LMO1: variants seen among roughly 807,000 people sequenced by gnomAD.
LMO1 encodes LIM domain only 1.
Under a neutral mutation model 18.0 loss-of-function variants are expected in LMO1, and 10 were observed. That is an observed-to-expected ratio of 0.55 (90% CI 0.34 to 0.94). The LOEUF (loss-of-function observed/expected upper bound fraction) is 0.94. Among genes scored for constraint, LMO1 ranks in the 40% least tolerant of loss-of-function variants. LMO1 has a pLI of 0.02. For synonymous variants in LMO1, 77 were observed against 77.9 expected, an observed-to-expected ratio of 0.99 and a Z score of 0.06; for missense variants, 183 against 205.7, an observed-to-expected ratio of 0.89 and a Z score of 0.68.
Position 8,230,296 on chromosome 11 carries a change from G to A in LMO1, c.234C>T (p.Tyr78=). 2.5e-6 allele frequency: 4 copies of A among 1,613,484 alleles called. No homozygotes were observed. Among genetic ancestry groups the A allele is most frequent in the Non-Finnish European group, 3.4e-6 (4 of 1,179,844 alleles). The change falls in exon 2 of 4, where the codon TAC becomes TAT. Residue 78 remains tyrosine, a synonymous_variant. Coordinates refer to ENST00000335790, the MANE Select transcript of LMO1 (RefSeq NM_002315.3). ...GCCAGGGTTTGGCAGCCCACCTCAGGTAGTCGCGTCGGCACAGGATGAGGT... is the reference window on the plus strand; with the variant it reads ...GCCAGGGTTTGGCAGCCCACCTCAGATAGTCGCGTCGGCACAGGATGAGGT... ...KANLILCRRD[Y]LRLFGTTGNC...
chr11:8,229,075 C>T (rs892759873), intron 2 of LMO1, among the ~76,000 whole-genome samples: 4 of 150,920 alleles, frequency 2.7e-5, no homozygotes, highest in South Asian at 2.1e-4. Flanking sequence ...TTTTTAGAAA[C>T]GGGGTTTCAC....
At chr11:8,265,406 G>T (rs1847250664), upstream of LMO1, among the ~76,000 whole-genome samples, 1 of 152,186 alleles carries the variant, frequency 6.6e-6, no homozygotes, top group South Asian at 2.1e-4. Flanking sequence ...TGACAGGGAT[G>T]GGGAGCAGCG....
chr11:8,247,910 G>T (rs757595171), intron 1 of LMO1, among the ~76,000 whole-genome samples: 6 of 152,214 alleles, frequency 3.9e-5, no homozygotes, highest in Admixed American at 6.5e-5. Flanking sequence ...CCTTTATGTA[G>T]CCACTGTGTT....
intron 1 of LMO1, among the ~76,000 whole-genome samples, chr11:8,237,978 A>G (rs1192956431): frequency 6.6e-6 from 1 of 152,268 alleles, no homozygotes; most frequent in Non-Finnish European, 1.5e-5. Flanking sequence ...AAGTACTTAT[A>G]ACAATGTTTG....
chr11:8,263,219 G>T, intron 1 of LMO1, 119 bp downstream of exon 1: 1 of 892,670 alleles, frequency 1.1e-6, no homozygotes, highest in Non-Finnish European at 1.5e-6. Flanking sequence ...CGCGCCGCCC[G>T]CCCCGCAATC....
intron 1 of LMO1, among the ~76,000 whole-genome samples, chr11:8,237,192 G>A (rs1233275962): frequency 1.3e-5 from 2 of 151,954 alleles, no homozygotes; most frequent in Non-Finnish European, 2.9e-5. Context: ...GGGGGTCTGG[G>A]TCCCTGTCAC....
At chr11:8,250,628 G>T (rs925665010) in intron 1 of LMO1, among the ~76,000 whole-genome samples, 1 of 152,250 alleles carries the variant, frequency 6.6e-6, no homozygotes, top group African/African-American at 2.4e-5. Flanking sequence ...ATGCCTCACA[G>T]ATGGGAAACA....
intron 1 of LMO1, among the ~76,000 whole-genome samples, chr11:8,232,191 G>T (rs370883676): frequency 6.6e-6 from 1 of 152,116 alleles, no homozygotes; most frequent in Admixed American, 6.5e-5. Context: ...CTGCAGTCCC[G>T]GCAGGGCCTG....
chr11:8,252,859 C>T (rs1451265795), intron 1 of LMO1, among the ~76,000 whole-genome samples: 2 of 152,216 alleles, frequency 1.3e-5, no homozygotes, highest in African/African-American at 2.4e-5. Context: ...TCCACAGCAA[C>T]GAGAGAATAA....
chr11:8,260,936 G>T (rs537538945), intron 1 of LMO1, among the ~76,000 whole-genome samples: 1 of 152,318 alleles, frequency 6.6e-6, no homozygotes, highest in East Asian at 1.9e-4. Context: ...TGCTGAGAGG[G>T]CAGAAGCGTT....
At chr11:8,234,125 C>G (rs569932507) in intron 1 of LMO1, among the ~76,000 whole-genome samples, 1 of 152,276 alleles carries the variant, frequency 6.6e-6, no homozygotes, top group African/African-American at 2.4e-5. Context: ...GGGGGAACAA[C>G]ATTGGAGGGG....
At chr11:8,232,556 G>T (rs1016266204) in intron 1 of LMO1, among the ~76,000 whole-genome samples, 3 of 152,180 alleles carry the variant, frequency 2.0e-5, no homozygotes, top group Non-Finnish European at 2.9e-5. Flanking sequence ...TAGGCCCTGT[G>T]CAGGGAGCAT....
At chr11:8,256,351 C>T (rs1847097622) in intron 1 of LMO1, among the ~76,000 whole-genome samples, 1 of 152,208 alleles carries the variant, frequency 6.6e-6, no homozygotes, top group African/African-American at 2.4e-5. Flanking sequence ...GCCCAGTGCG[C>T]TGAAGTCACA....
chr11:8,247,620 C>T (rs1045500438), intron 1 of LMO1, among the ~76,000 whole-genome samples: 1 of 152,252 alleles, frequency 6.6e-6, no homozygotes, highest in Non-Finnish European at 1.5e-5. Flanking sequence ...CCAATCCTCC[C>T]ACAATGGAGA....
At chr11:8,246,551 C>T (rs767358732) in intron 1 of LMO1, among the ~76,000 whole-genome samples, 2 of 152,146 alleles carry the variant, frequency 1.3e-5, no homozygotes, top group African/African-American at 2.4e-5. Flanking sequence ...GGAGTGACTG[C>T]TAATGGGCTG....
At chr11:8,263,313 G>T (rs204930) in intron 1 of LMO1, 25 bp downstream of exon 1, 362,974 of 1,593,942 alleles carry the variant, frequency 0.23, 42,378 homozygotes, top group East Asian at 0.24. Context: ...GGTGAGGGGC[G>T]TCGAGACCCC....
At chr11:8,225,811 C>T (rs1183299469) in intron 3 of LMO1, among the ~76,000 whole-genome samples, 1 of 152,240 alleles carries the variant, frequency 6.6e-6, no homozygotes, top group Non-Finnish European at 1.5e-5. Flanking sequence ...CCAGAGCCCC[C>T]AGCCAGACCA....
chr11:8,268,382 G>A (rs1049222637), upstream of LMO1: 2 of 1,457,564 alleles, frequency 1.4e-6, no homozygotes, highest in Non-Finnish European at 1.8e-6. Flanking sequence ...TCCGCCCCAC[G>A]TCCCGCGTGC....
chr11:8,237,090 C>T (rs920377785), intron 1 of LMO1, among the ~76,000 whole-genome samples: 2 of 151,918 alleles, frequency 1.3e-5, no homozygotes, highest in Non-Finnish European at 2.9e-5. Context: ...CATGGACCCA[C>T]GTGCAACGTC....
Sources: allele counts gnomAD v4.1 joint callset (sites outside exome capture counted in the v4.1 genomes callset), GRCh38; gene constraint gnomAD v4.1.1; transcripts MANE v1.5; gene names NCBI Gene and HGNC (gene_info 2026-07-23, HGNC 2026-07-21).